The following STXBP5L variants were observed in gnomAD, a reference collection of about 807,000 sequenced individuals.
The protein encoded by STXBP5L is syntaxin-binding protein 5-like.
STXBP5L carries 65 observed loss-of-function variants against 144.5 expected under a neutral mutation model. The ratio of observed to expected loss-of-function variants is 0.45; its 90% CI spans 0.37 to 0.55. STXBP5L has a LOEUF of 0.55. STXBP5L is among the 20% of genes least tolerant of loss of function. The pLI, the probability that STXBP5L is intolerant of heterozygous loss-of-function variation, is 0.00. For missense variants in STXBP5L, 1,298 were observed against 1,405.5 expected (o/e 0.92, Z 1.22); for synonymous variants, 505 against 469.6 (o/e 1.08, Z -0.97).
At chr3:121,009,518 TAGC>T (rs1944610618) in intron 3 of STXBP5L, among the ~76,000 whole-genome samples, 1 of 152,002 alleles carries the variant, frequency 6.6e-6, no homozygotes, top group Non-Finnish European at 1.5e-5. Flanking sequence ...CTGAATGTGG[TAGC>T]AGTTCATTTA....
intron 3 of STXBP5L, among the ~76,000 whole-genome samples, chr3:121,003,358 T>A (rs1197672033): frequency 6.6e-6 from 1 of 152,228 alleles, no homozygotes; most frequent in Non-Finnish European, 1.5e-5. Context: ...TGTCTTCTTT[T>A]GAGAAGTGTC....
chr3:121,062,040 A>G (rs953736522), intron 5 of STXBP5L, among the ~76,000 whole-genome samples: 1 of 152,100 alleles, frequency 6.6e-6, no homozygotes, highest in Admixed American at 6.5e-5. Flanking sequence ...CTGTTAGTTG[A>G]TGTAGTTTCT....
chr3:121,381,216 T>A (rs1375214210), intron 21 of STXBP5L, 77 bp from the exon 22 acceptor site: 15 of 1,389,094 alleles, frequency 1.1e-5, no homozygotes, highest in Admixed American at 2.4e-5. Context: ...ATAATTTTGA[T>A]TTATATATAT....
rs991850047 is a variant in STXBP5L, at chr3:120,959,834, C to T, written c.287+4797C>T. ...AAAACCTAGGCAATACCATTCAGGA[C>T]ATAGGCATGGGCAAGGACTTCATGA... is the stretch of plus-strand genomic sequence containing the variant. On this transcript the variant is annotated intron_variant, in intron 3 of 26. Coordinates refer to ENST00000471454, the MANE Select transcript of STXBP5L (RefSeq NM_001308330.2). Among the ~76,000 whole-genome samples, 12 of 152,126 alleles carry T rather than the reference C, an allele frequency of 7.9e-5. No individual in the cohort carries two copies. The East Asian group carries it at 1.2e-3, about 15-fold the overall frequency.
intron 12 of STXBP5L, among the ~76,000 whole-genome samples, chr3:121,238,029 C>T (rs1272056144): frequency 6.6e-6 from 1 of 152,146 alleles, no homozygotes; most frequent in African/African-American, 2.4e-5. Context: ...ATCTTCTGAG[C>T]TCTCCAAACT....
At chr3:121,027,272 T>C (rs1173140599) in intron 3 of STXBP5L, among the ~76,000 whole-genome samples, 5 of 152,044 alleles carry the variant, frequency 3.3e-5, no homozygotes, top group African/African-American at 9.7e-5. Context: ...AGTACTCAAA[T>C]TCATATAGTT....
At chr3:121,031,206 G>A (rs907157288) in intron 3 of STXBP5L, among the ~76,000 whole-genome samples, 1 of 152,054 alleles carries the variant, frequency 6.6e-6, no homozygotes, top group Non-Finnish European at 1.5e-5. Flanking sequence ...ATGGCATTAT[G>A]AGATTTTCAT....
chr3:121,300,719 C>G (rs1365681413), intron 19 of STXBP5L, among the ~76,000 whole-genome samples: 2 of 151,266 alleles, frequency 1.3e-5, no homozygotes, highest in East Asian at 3.9e-4. Flanking sequence ...AAAAGAGTAA[C>G]AGTAAACAAA....
chr3:121,117,013 C>T (rs2044259158), intron 6 of STXBP5L, among the ~76,000 whole-genome samples: 1 of 151,892 alleles, frequency 6.6e-6, no homozygotes, highest in South Asian at 2.1e-4. Context: ...TTTCACCACT[C>T]TTGCAATGCT....
chr3:120,928,758 AG>A (rs1398528003), intron 2 of STXBP5L, among the ~76,000 whole-genome samples: 1 of 151,862 alleles, frequency 6.6e-6, no homozygotes, highest in Non-Finnish European at 1.5e-5. Context: ...GCTGAGTAGT[AG>A]GTAGAGAGAA....
At chr3:121,362,356 G>C (rs771626425) in intron 20 of STXBP5L, among the ~76,000 whole-genome samples, 1 of 152,222 alleles carries the variant, frequency 6.6e-6, no homozygotes, top group African/African-American at 2.4e-5. Flanking sequence ...AGCCAGGCTT[G>C]TGTCCTTCTC....
intron 9 of STXBP5L, among the ~76,000 whole-genome samples, chr3:121,174,023 A>T (rs1265610655): frequency 6.6e-6 from 1 of 152,142 alleles, no homozygotes; most frequent in Non-Finnish European, 1.5e-5. Flanking sequence ...TGAACTGCTC[A>T]TACTGAGATG....
chr3:121,226,795 AT>A (rs2049137062), intron 11 of STXBP5L, among the ~76,000 whole-genome samples: 1 of 152,176 alleles, frequency 6.6e-6, no homozygotes, highest in Non-Finnish European at 1.5e-5. Context: ...TCCTCTCCAC[AT>A]TGATCATATA....
At chr3:121,056,930 G>A (rs1948501583) in intron 5 of STXBP5L, among the ~76,000 whole-genome samples, 1 of 150,172 alleles carries the variant, frequency 6.7e-6, no homozygotes, top group South Asian at 2.1e-4. Flanking sequence ...AAACAAATTA[G>A]CAAGGTCTTT....
chr3:121,075,992 G>A (rs1347493092), intron 5 of STXBP5L, among the ~76,000 whole-genome samples: 1 of 152,222 alleles, frequency 6.6e-6, no homozygotes, highest in Non-Finnish European at 1.5e-5. Flanking sequence ...AAAATGGACT[G>A]CATTAGATCT....
At chr3:121,275,543 G>A (rs1020349261) in intron 18 of STXBP5L, among the ~76,000 whole-genome samples, 1 of 152,110 alleles carries the variant, frequency 6.6e-6, no homozygotes, top group African/African-American at 2.4e-5. Context: ...TTAGTTCAGT[G>A]AAGGAGGTTC....
chr3:121,164,490 A>C (rs950954101), intron 9 of STXBP5L, among the ~76,000 whole-genome samples: 1 of 152,166 alleles, frequency 6.6e-6, no homozygotes, highest in Non-Finnish European at 1.5e-5. Flanking sequence ...GAGGTTCCTA[A>C]ATAAATTAAA....
Position 121,300,775 on chromosome 3 carries a change from G to A in STXBP5L, c.2111-17700G>A, listed in dbSNP as rs1029146963. 7.9e-5 allele frequency among the ~76,000 whole-genome samples: 12 copies of A among 151,806 alleles called. No individual in the cohort carries two copies. In the South Asian group the frequency reaches 1.9e-3, roughly 24 times the overall value. Reference sequence around the variant, plus strand: ...ACAAACTGAAAACAATTAGAAAGATGATAGACATAAACTTAACCCCATCAA... The same window carrying A: ...ACAAACTGAAAACAATTAGAAAGATAATAGACATAAACTTAACCCCATCAA... On this transcript the variant is annotated intron_variant, in intron 19 of 26. Transcript: ENST00000471454.
intron 22 of STXBP5L, among the ~76,000 whole-genome samples, chr3:121,401,897 A>T (rs201277517): frequency 2.2e-4 from 28 of 126,476 alleles, no homozygotes; most frequent in Middle Eastern, 3.9e-3. Context: ...AGTATAATAA[A>T]AAAAAAAAAA....
Sources: gnomAD v4.1 joint callset for allele counts (sites outside exome capture counted in the v4.1 genomes callset) on GRCh38, gnomAD v4.1.1 for gene constraint, MANE v1.5 for transcripts, NCBI Gene and HGNC (gene_info 2026-07-23, HGNC 2026-07-21) for gene names.